GLRA3: variants seen among roughly 807,000 people sequenced by gnomAD.
GLRA3 encodes glycine receptor subunit alpha-3.
Under a neutral mutation model 60.4 loss-of-function variants are expected in GLRA3, and 44 were observed. That is an observed-to-expected ratio of 0.73 (90% confidence interval 0.57 to 0.94). The LOEUF (loss-of-function observed/expected upper bound fraction) is 0.94. Ranked by LOEUF, GLRA3 falls within the 40% of genes least tolerant of loss-of-function variation. The pLI is 0.00. For missense variants in GLRA3, 508 were observed against 564.6 expected, an observed-to-expected ratio of 0.90 and a Z score of 1.02; for synonymous variants, 223 against 192.9, an observed-to-expected ratio of 1.16 and a Z score of -1.29.
chr4:174,643,390 GGT>G lies in GLRA3; in HGVS notation c.*394_*395del. ...AAATAGTTTTAAATCTCAAACTATTGGTTTACTGTGCAAAATTTGCTTTTGTA... is the reference window on the plus strand; with the variant it reads ...AAATAGTTTTAAATCTCAAACTATTGTTACTGTGCAAAATTTGCTTTTGTA... On this transcript the variant is annotated 3_prime_UTR_variant, in exon 10 of 10. Coordinates refer to ENST00000274093, the MANE Select transcript of GLRA3 (RefSeq NM_006529.4). The G allele has an allele frequency of 3.1e-6, 1 of 326,694 alleles. No homozygotes were observed. The highest frequency in any genetic ancestry group is 3.4e-6 in the Non-Finnish European group (1 of 293,518). The allele number at this position is 326,694 out of a possible 1,614,324, so 20.2% of individuals were successfully genotyped here.
chr4:174,761,816 G>A (rs1737951820), intron 3 of GLRA3, among the ~76,000 whole-genome samples: 1 of 152,142 alleles, frequency 6.6e-6, no homozygotes, highest in South Asian at 2.1e-4. Flanking sequence ...TTACATGAAT[G>A]TGTGCACTTT....
chr4:174,806,160 G>A (rs1740042576), intron 1 of GLRA3, among the ~76,000 whole-genome samples: 1 of 151,950 alleles, frequency 6.6e-6, no homozygotes, highest in Non-Finnish European at 1.5e-5. Flanking sequence ...TTGTTAATTA[G>A]CATTTAAAAT....
intron 2 of GLRA3, among the ~76,000 whole-genome samples, chr4:174,781,811 T>A (rs1224655694): frequency 6.6e-6 from 1 of 152,208 alleles, no homozygotes; most frequent in African/African-American, 2.4e-5. Flanking sequence ...TCTGCAATTG[T>A]GGCAATAATC....
intron 4 of GLRA3, among the ~76,000 whole-genome samples, chr4:174,725,399 T>C (rs1380210792): frequency 6.6e-6 from 1 of 152,248 alleles, no homozygotes; most frequent in African/African-American, 2.4e-5. Context: ...GCTATTTTTC[T>C]CATTTGTTTC....
intron 1 of GLRA3, among the ~76,000 whole-genome samples, chr4:174,795,447 C>T (rs1235059279): frequency 6.6e-6 from 1 of 151,946 alleles, no homozygotes; most frequent in Non-Finnish European, 1.5e-5. Flanking sequence ...AATAAATGCA[C>T]AAATATAATT....
intron 3 of GLRA3, among the ~76,000 whole-genome samples, chr4:174,764,322 A>G (rs1338566522): frequency 2.0e-5 from 3 of 152,146 alleles, no homozygotes; most frequent in East Asian, 3.9e-4. Flanking sequence ...GGAGCTCAAT[A>G]TATTTAGCCA....
At chr4:174,801,651 C>G (rs1012110909) in intron 1 of GLRA3, among the ~76,000 whole-genome samples, 1 of 152,058 alleles carries the variant, frequency 6.6e-6, no homozygotes, top group Non-Finnish European at 1.5e-5. Flanking sequence ...TCAACCACAC[C>G]TTACCATGTT....
chr4:174,651,499 A>G (rs1733020306), intron 9 of GLRA3, among the ~76,000 whole-genome samples: 1 of 152,188 alleles, frequency 6.6e-6, no homozygotes, highest in African/African-American at 2.4e-5. Context: ...ACATTATTCT[A>G]GAAATTGCAC....
chr4:174,718,304 T>C (rs971034075), intron 4 of GLRA3, among the ~76,000 whole-genome samples: 6 of 152,200 alleles, frequency 3.9e-5, no homozygotes, highest in Admixed American at 1.3e-4. Context: ...CAAGAGGCAA[T>C]TAATCACATT....
In GLRA3 at chr4:174,682,857, C is replaced by T. The variant is rs41279513; in HGVS notation, c.657G>A (p.Gln219=). The T allele has an allele frequency of 0.012, 19,647 of 1,612,542 alleles. 169 individuals are homozygous for T. The highest frequency in any genetic ancestry group is 0.016 in the Middle Eastern group (99 of 6,056). Residue 219 remains glutamine (Q), a synonymous_variant, in exon 6 of 10, where the codon CAG becomes CAA. Coordinates refer to ENST00000274093, the MANE Select transcript of GLRA3 (RefSeq NM_006529.4). Reference sequence around the variant, plus strand: ...AATCTTTTTCTTCTTTCAACAGAAACTGGGGCAAAGTGAGTCCTTCTGCCA... The same window carrying T: ...AATCTTTTTCTTCTTTCAACAGAAATTGGGGCAAAGTGAGTCCTTCTGCCA... The part of the protein sequence containing the change: ...VQVAEGLTLP[Q]FLLKEEKDLR...
At chr4:174,723,108 A>C (rs1274331681) in intron 4 of GLRA3, 1 of 166,842 alleles carries the variant, frequency 6.0e-6, no homozygotes, top group Non-Finnish European at 1.5e-5. Flanking sequence ...GTTTTATTCC[A>C]ATACTTTATG....
At chr4:174,821,908 T>C (rs1185973743) in intron 1 of GLRA3, among the ~76,000 whole-genome samples, 1 of 152,170 alleles carries the variant, frequency 6.6e-6, no homozygotes, top group Non-Finnish European at 1.5e-5. Flanking sequence ...CACAACTAAA[T>C]AGAATTCAAA....
rs181598440 is a variant in GLRA3 at position 174,639,774 on chromosome 4, T to C, written c.*4012A>G. The stretch of plus-strand genomic sequence containing the variant: ...TTAATTTTAAAGTTAATTAAATTAA[T>C]GCAATTTACAGTGTACACTGCTTAT... On this transcript the variant is annotated 3_prime_UTR_variant, in exon 10 of 10. Transcript: ENST00000274093. The C allele has an allele frequency of 6.6e-6, 1 of 152,230 alleles. No homozygotes were observed. The highest frequency in any genetic ancestry group is 1.9e-4 in the East Asian group (1 of 5,180). 9.4% of individuals were successfully genotyped at this position (152,230 alleles called of 1,614,324 possible). A position where few individuals can be genotyped will look rare whatever the true frequency, so the allele number is the denominator to read the frequency against.
chr4:174,749,974 A>T lies in GLRA3; in HGVS notation c.267+16989T>A, dbSNP rs1737402379. Among the ~76,000 whole-genome samples the T allele has an allele frequency of 2.0e-5, 3 of 152,250 alleles. No homozygotes were observed. In the South Asian group the frequency reaches 6.2e-4, roughly 32 times the overall value. ...TAACAAAATCTAAGGCTCTTGTGTT[A>T]GCAGAAGCAGCTCCTCCTCCCATGT... On this transcript the variant is annotated intron_variant, in intron 3 of 9. Coordinates refer to ENST00000274093, the MANE Select transcript of GLRA3 (RefSeq NM_006529.4).
chr4:174,663,829 C>G (rs1579407746), intron 7 of GLRA3, among the ~76,000 whole-genome samples: 1 of 152,190 alleles, frequency 6.6e-6, no homozygotes, highest in African/African-American at 2.4e-5. Flanking sequence ...TTTGCTCCCC[C>G]TCCTGTATGT....
chr4:174,645,420 C>CAAAAAA (rs201216075), intron 9 of GLRA3, among the ~76,000 whole-genome samples: 8 of 76,108 alleles, frequency 1.1e-4, no homozygotes, highest in African/African-American at 8.0e-5. Context: ...ACTCCGTCTC[C>CAAAAAA]AAAAAAAAAA....
chr4:174,680,157 T>C (rs1734285180), intron 6 of GLRA3, among the ~76,000 whole-genome samples: 1 of 152,160 alleles, frequency 6.6e-6, no homozygotes, highest in African/African-American at 2.4e-5. Flanking sequence ...AATTAAAAAA[T>C]GTTTTTATAA....
intron 6 of GLRA3, 122 bp from the exon 7 acceptor site, chr4:174,677,414 A>G: frequency 1.6e-6 from 1 of 629,796 alleles, no homozygotes; most frequent in Non-Finnish European, 2.8e-6. Context: ...GGCTGGAGTG[A>G]AGTGGCATGA....
intron 1 of GLRA3, among the ~76,000 whole-genome samples, chr4:174,828,015 C>T (rs1741047237): frequency 6.6e-6 from 1 of 152,088 alleles, no homozygotes; most frequent in Non-Finnish European, 1.5e-5. Flanking sequence ...GTAAAATTAT[C>T]TGATCCTTTG....
Sources: allele counts gnomAD v4.1 joint callset (sites outside exome capture counted in the v4.1 genomes callset), GRCh38; gene constraint gnomAD v4.1.1; transcripts MANE v1.5; gene names NCBI Gene and HGNC (gene_info 2026-07-23, HGNC 2026-07-21).